The following ANKRD24 variants were observed in gnomAD, a reference collection of about 807,000 sequenced individuals.
ANKRD24 encodes the protein ankyrin repeat domain-containing protein 24.
ANKRD24 carries 109 observed loss-of-function variants against 127.8 expected under a neutral mutation model. That is an observed-to-expected ratio of 0.85 (90% CI 0.73 to 1.00). The LOEUF is 1.00. ANKRD24 is among the 50% of genes least tolerant of loss of function. ANKRD24 has a pLI of 0.00. For missense variants in ANKRD24, 1,648 were observed against 1,570.2 expected (o/e 1.05, Z -0.84); for synonymous variants, 743 against 671.1 (o/e 1.11, Z -1.66).
chr19:4,197,635 G>T (rs980943215), intron 2 of ANKRD24, among the ~76,000 whole-genome samples: 1 of 152,098 alleles, frequency 6.6e-6, no homozygotes, highest in African/African-American at 2.4e-5. Context: ...ATGGGTGAAC[G>T]AATGAACGAG....
At position 4,217,118 on chromosome 19, in the gene ANKRD24, A is replaced by G. The variant is rs767260309; in HGVS notation, c.1958A>G (p.Gln653Arg). 25 of 1,613,648 alleles carry G rather than the reference A, an allele frequency of 1.5e-5. No individual in the cohort carries two copies. Among genetic ancestry groups the G allele is most frequent in the Non-Finnish European group, 2.0e-5 (24 of 1,179,852 alleles). Residue 653 changes from glutamine to arginine, a missense_variant, in exon 18 of 22, where the codon CAG (glutamine) becomes CGG (arginine). Gln to Arg is a conservative substitution (Grantham distance 43). Coordinates refer to ENST00000318934, the MANE Select transcript of ANKRD24 (RefSeq NM_001393985.1). ...TKTKAEEAEM[Q>R]AYGVGAGQAE... ...ACAAAAGCAGAGGAAGCAGAAATGC[A>G]GGCCTACGGAGTGGGTGCTGGGCAA... is the stretch of plus-strand genomic sequence containing the variant.
intron 1 of ANKRD24, chr19:4,183,304 G>A: frequency 1.0e-6 from 1 of 986,322 alleles, no homozygotes; most frequent in Non-Finnish European, 1.2e-6. Flanking sequence ...TCATCCAACT[G>A]GAGGTTCTGC....
At chr19:4,187,658 G>T (rs1968146208) in intron 2 of ANKRD24, among the ~76,000 whole-genome samples, 1 of 152,212 alleles carries the variant, frequency 6.6e-6, no homozygotes, top group Non-Finnish European at 1.5e-5. Context: ...AGGATGAAAG[G>T]GAGGGCTCAC....
At position 4,215,986 on chromosome 19, in the gene ANKRD24, G is replaced by A. The variant is rs1236919716; in HGVS notation, c.1206G>A (p.Arg402=). The change falls in exon 16 of 22, where the codon CGG becomes CGA. Residue 402 remains arginine, a synonymous_variant. Coordinates refer to ENST00000318934, the MANE Select transcript of ANKRD24 (RefSeq NM_001393985.1). ...CTGCTCCCTCCCCCCAGAACGAGCG[G>A]GAGAATACTAGCTATGACGTAACCA... ...QSRLSLLENE[R]ENTSYDVTTL... is the part of the protein sequence containing the mutation. 1.9e-6 allele frequency: 3 copies of A among 1,593,580 alleles called. No homozygotes were observed. The South Asian group carries it at 3.4e-5, about 18-fold the overall frequency.
At position 4,199,875 on chromosome 19, in the gene ANKRD24, A is replaced by G. The variant is rs766385638; in HGVS notation, c.124A>G (p.Ser42Gly). Residue 42 changes from serine (S) to glycine (G), a missense_variant and splice_region_variant, in exon 4 of 22, where the codon AGT becomes GGT. Coordinates refer to ENST00000318934, the MANE Select transcript of ANKRD24 (RefSeq NM_001393985.1). The surrounding 1 kb of genome is among the most constrained non-coding windows in gnomAD (Gnocchi z 5.2). ...ACGCACTTCTGGGCGTGCCCTGCAG[A>G]GTCAAGACTGGGGCAAGAGTGACGA... Reference protein sequence around the residue: ...PKPAARGRRQSQDWGKSDERL... With the variant: ...PKPAARGRRQGQDWGKSDERL... 6.4e-7 allele frequency: 1 copy of G among 1,569,958 alleles called. No homozygotes were observed. The highest frequency in any genetic ancestry group is 8.6e-7 in the Non-Finnish European group (1 of 1,158,464).
chr19:4,185,869 G>A (rs1427481805), intron 1 of ANKRD24, among the ~76,000 whole-genome samples: 1 of 152,182 alleles, frequency 6.6e-6, no homozygotes, highest in Admixed American at 6.5e-5. Flanking sequence ...ACCCAGCCAG[G>A]GTAGGCGGGA....
chr19:4,207,965 A>AGC lies in ANKRD24; in HGVS notation c.831_832dup (p.Leu279ProfsTer50). On this transcript the variant is annotated frameshift_variant, in exon 10 of 22. Coordinates refer to ENST00000318934, the MANE Select transcript of ANKRD24 (RefSeq NM_001393985.1). LOFTEE classifies it high-confidence loss of function. The stretch of plus-strand genomic sequence containing the variant: ...GGCGGCCCAGCGCCCCTCCCCACCC[A>AGC]GCGGTATGCAAGCCCCACCTCCCCA... 6.7e-7 allele frequency: 1 copy of AGC among 1,490,636 alleles called. No individual in the cohort carries two copies. The highest frequency in any genetic ancestry group is 8.9e-7 in the Non-Finnish European group (1 of 1,121,992). The allele number at this position is 1,490,636 out of a possible 1,614,324, so 92.3% of individuals were successfully genotyped here.
intron 2 of ANKRD24, among the ~76,000 whole-genome samples, chr19:4,196,115 C>G (rs1056338872): frequency 4.6e-5 from 7 of 152,168 alleles, no homozygotes; most frequent in African/African-American, 1.7e-4. Context: ...CAGCCCCATT[C>G]TAGAGAAAGA....
intron 2 of ANKRD24, among the ~76,000 whole-genome samples, chr19:4,194,255 C>T (rs1327108860): frequency 1.3e-5 from 2 of 152,212 alleles, no homozygotes; most frequent in East Asian, 3.9e-4. Context: ...CACTTTCAAG[C>T]GATTCTCCTG....
chr19:4,216,056 C>T lies in ANKRD24; in HGVS notation c.1270+6C>T. 3 of 1,587,996 alleles carry T rather than the reference C, an allele frequency of 1.9e-6. No individual in the cohort carries two copies. ...TGAGCTGCCTGACCTTCCAGGTGAG[C>T]CCCCACCTCCCCACGCACTCCCAGC... On this transcript the variant is annotated splice_donor_region_variant and intron_variant, in intron 16 of 21. Transcript: ENST00000318934.
chr19:4,218,753 C>CT (rs556461670), intron 18 of ANKRD24, among the ~76,000 whole-genome samples: 2,689 of 110,142 alleles, frequency 0.024, 129 homozygotes, highest in African/African-American at 0.087. Context: ...CCCTTCCTTT[C>CT]TTTTTTTTTT....
At chr19:4,220,321 T>C (rs1235826152) in intron 19 of ANKRD24, among the ~76,000 whole-genome samples, 1 of 152,142 alleles carries the variant, frequency 6.6e-6, no homozygotes, top group East Asian at 1.9e-4. Flanking sequence ...CCCTGTGGAC[T>C]GGATGCATTT....
intron 7 of ANKRD24, among the ~76,000 whole-genome samples, chr19:4,203,612 G>A (rs1969218056): frequency 6.6e-6 from 1 of 152,112 alleles, no homozygotes; most frequent in Non-Finnish European, 1.5e-5. Flanking sequence ...GCCACTCAAA[G>A]TGCTGGAATT....
At chr19:4,214,076 ACAT>A (rs1473741410) in intron 15 of ANKRD24, among the ~76,000 whole-genome samples, 1 of 152,242 alleles carries the variant, frequency 6.6e-6, no homozygotes, top group African/African-American at 2.4e-5. Flanking sequence ...GTCCAAGAAC[ACAT>A]CATCACACAC....
rs138107987 is a variant in ANKRD24, at chr19:4,209,708, T to G, written c.871-350T>G. On this transcript the variant is annotated intron_variant, in intron 11 of 21. Transcript: ENST00000318934. The stretch of plus-strand genomic sequence containing the variant: ...CCTCAAGTGATCACCCACCTTGGCC[T>G]CCCAAAGTGCTGGGATTACAGGTGT... 7.4e-3 allele frequency among the ~76,000 whole-genome samples: 1,122 copies of G among 152,222 alleles called. 7 individuals are homozygous for G. The highest frequency in any genetic ancestry group is 0.017 in the Middle Eastern group (5 of 294).
At chr19:4,202,133 A>C in intron 6 of ANKRD24, 43 bp downstream of exon 6, 1 of 1,564,886 alleles carries the variant, frequency 6.4e-7, no homozygotes, top group Non-Finnish European at 8.8e-7. Context: ...GGCCCCTACT[A>C]CTCCTGAGTT....
At chr19:4,221,387 T>C (rs1267296418) in intron 19 of ANKRD24, among the ~76,000 whole-genome samples, 1 of 151,474 alleles carries the variant, frequency 6.6e-6, no homozygotes, top group Admixed American at 6.6e-5. Context: ...TTGCTTTTGT[T>C]TGTTTGTTTG....
rs1487383877 is a variant in ANKRD24 at position 4,205,599 on chromosome 19, G to A, written c.467-1643G>A. ...ACAGTGGTGCACGCCTGTAATCCTAGCACTATGGGAGTCAGAGGTGGGAGG... is the reference window on the plus strand; with the variant it reads ...ACAGTGGTGCACGCCTGTAATCCTAACACTATGGGAGTCAGAGGTGGGAGG... On this transcript the variant is annotated intron_variant, in intron 7 of 21. Transcript: ENST00000318934. Among the ~76,000 whole-genome samples, 3 of 152,320 alleles carry A rather than the reference G, an allele frequency of 2.0e-5. No homozygotes were observed. In the East Asian group the frequency reaches 5.8e-4, roughly 29 times the overall value.
At chr19:4,209,173 C>T (rs1041104936) in intron 11 of ANKRD24, among the ~76,000 whole-genome samples, 5 of 151,836 alleles carry the variant, frequency 3.3e-5, no homozygotes, top group Admixed American at 1.3e-4. Context: ...TACAGTGGCT[C>T]GATCTTGGCT....
Sources: gnomAD v4.1 joint callset for allele counts (sites outside exome capture counted in the v4.1 genomes callset) on GRCh38, gnomAD v4.1.1 for gene constraint, Gnocchi (gnomAD v3.1) non-coding constraint, MANE v1.5 for transcripts, NCBI Gene and HGNC (gene_info 2026-07-23, HGNC 2026-07-21) for gene names.